Variants in SNTG1 observed in about 807,000 individuals in gnomAD.
SNTG1 encodes gamma-1-syntrophin.
SNTG1 carries 39 observed loss-of-function variants against 74.7 expected under a neutral mutation model. The ratio of observed to expected loss-of-function variants is 0.52; its 90% CI spans 0.40 to 0.68. The LOEUF (loss-of-function observed/expected upper bound fraction) is 0.68, where lower values mean the gene tolerates loss of function less well. Among genes scored for constraint, SNTG1 ranks in the 30% least tolerant of loss-of-function variants. SNTG1 has a pLI of 0.00. For synonymous variants in SNTG1, 254 were observed against 217.1 expected, an observed-to-expected ratio of 1.17 and a Z score of -1.49; for missense variants, 685 against 609.5, an observed-to-expected ratio of 1.12 and a Z score of -1.30.
intron 1 of SNTG1, among the ~76,000 whole-genome samples, chr8:50,062,283 G>A (rs1194313193): frequency 6.6e-6 from 1 of 152,126 alleles, no homozygotes; most frequent in African/African-American, 2.4e-5. Flanking sequence ...CTGACCTCAG[G>A]TGATATGCCT....
intron 1 of SNTG1, among the ~76,000 whole-genome samples, chr8:50,113,082 G>T (rs967500742): frequency 6.6e-6 from 1 of 152,056 alleles, no homozygotes; most frequent in African/African-American, 2.4e-5. Flanking sequence ...GGCAATGTGG[G>T]CTCTTTTTTG....
chr8:50,346,334 G>T (rs764418801), intron 2 of SNTG1, among the ~76,000 whole-genome samples: 10 of 152,092 alleles, frequency 6.6e-5, no homozygotes, highest in Non-Finnish European at 1.5e-4. Context: ...TGATGTTACT[G>T]GTGGGATTTT....
intron 1 of SNTG1, among the ~76,000 whole-genome samples, chr8:50,020,012 C>G (rs142946897): frequency 1.5e-4 from 23 of 152,212 alleles, no homozygotes; most frequent in African/African-American, 5.3e-4. Flanking sequence ...TCCATGACCA[C>G]TTCTATTGTT....
At chr8:50,289,745 C>A (rs529907464) in intron 2 of SNTG1, among the ~76,000 whole-genome samples, 1 of 152,164 alleles carries the variant, frequency 6.6e-6, no homozygotes, top group African/African-American at 2.4e-5. Flanking sequence ...GCTCAGCAAA[C>A]AGTTTTGAAA....
chr8:50,734,741 A>C lies in SNTG1; in HGVS notation c.1285-17260A>C, dbSNP rs1308914571. Reference sequence around the variant, plus strand: ...GGACATTATATATCTATATATATGGACATGTATATAGATATCTATATATAT... The same window carrying C: ...GGACATTATATATCTATATATATGGCCATGTATATAGATATCTATATATAT... On this transcript the variant is annotated intron_variant, in intron 17 of 18. Coordinates refer to ENST00000642720, the MANE Select transcript of SNTG1 (RefSeq NM_018967.5). Among the ~76,000 whole-genome samples the C allele has an allele frequency of 8.0e-5, 7 of 87,882 alleles. No homozygotes were observed. In the South Asian group the frequency reaches 2.3e-3, roughly 29 times the overall value. The allele number at this position is 87,882 out of a possible 152,430, so 57.7% of individuals were successfully genotyped here. A position where few individuals can be genotyped will look rare whatever the true frequency, so the allele number is the denominator to read the frequency against.
chr8:50,488,623 C>A (rs2093820577), intron 8 of SNTG1, among the ~76,000 whole-genome samples: 1 of 152,130 alleles, frequency 6.6e-6, no homozygotes, highest in African/African-American at 2.4e-5. Flanking sequence ...TAATGTCTAT[C>A]CTCCATCATC....
intron 13 of SNTG1, among the ~76,000 whole-genome samples, chr8:50,656,347 A>G (rs947262151): frequency 2.0e-5 from 3 of 152,194 alleles, no homozygotes; most frequent in African/African-American, 7.2e-5. Flanking sequence ...TTTCAATGCC[A>G]TTTGATATAT....
At chr8:50,449,584 C>G in intron 5 of SNTG1, 84 bp from the exon 6 acceptor site, 1 of 993,010 alleles carries the variant, frequency 1.0e-6, no homozygotes, top group Non-Finnish European at 1.4e-6. Context: ...ACTTAACATT[C>G]CCTTCAGAGC....
chr8:50,622,859 A>T (rs1423766697), intron 13 of SNTG1, among the ~76,000 whole-genome samples: 1 of 152,166 alleles, frequency 6.6e-6, no homozygotes, highest in Admixed American at 6.6e-5. Context: ...TTTCAGTTAC[A>T]TCTTCTCAAA....
chr8:50,391,610 C>G (rs2092661698), intron 2 of SNTG1, among the ~76,000 whole-genome samples: 2 of 152,128 alleles, frequency 1.3e-5, no homozygotes, highest in Admixed American at 1.3e-4. Flanking sequence ...AGGATTCCCT[C>G]TTTTTCTATT....
At chr8:50,045,398 C>A (rs1818997186) in intron 1 of SNTG1, among the ~76,000 whole-genome samples, 1 of 152,132 alleles carries the variant, frequency 6.6e-6, no homozygotes, top group Non-Finnish European at 1.5e-5. Flanking sequence ...AAAGATGCAA[C>A]ACATTTTTAA....
chr8:50,264,620 A>G (rs935425589), intron 2 of SNTG1, among the ~76,000 whole-genome samples: 4 of 151,458 alleles, frequency 2.6e-5, no homozygotes, highest in Non-Finnish European at 5.9e-5. Context: ...AGTAAACTAA[A>G]CCCAAAACAA....
At chr8:50,176,400 G>A (rs745421377) in intron 2 of SNTG1, among the ~76,000 whole-genome samples, 12 of 152,144 alleles carry the variant, frequency 7.9e-5, no homozygotes, top group Non-Finnish European at 1.8e-4. Flanking sequence ...TTGATCAAAT[G>A]CAAGCAAGCT....
chr8:50,589,858 C>A (rs945308174), intron 12 of SNTG1, among the ~76,000 whole-genome samples: 2 of 152,054 alleles, frequency 1.3e-5, no homozygotes, highest in African/African-American at 4.8e-5. Context: ...CTTAGCAGAG[C>A]CAGAAGGTAT....
In SNTG1 at chr8:49,969,557, C is replaced by T. The variant is rs1222391713; in HGVS notation, c.-103+57326C>T. ...GATTACAGGTGCCCACCACCATGCC[C>T]AGCTAATTTTGGTATTTTTAGTAGA... On this transcript the variant is annotated intron_variant, in intron 1 of 18. Coordinates refer to ENST00000642720, the MANE Select transcript of SNTG1 (RefSeq NM_018967.5). Among the ~76,000 whole-genome samples the T allele has an allele frequency of 3.3e-5, 5 of 151,810 alleles. No individual in the cohort carries two copies. In the South Asian group the frequency reaches 1.0e-3, roughly 32 times the overall value.
At chr8:50,525,260 C>T (rs535948464) in intron 9 of SNTG1, among the ~76,000 whole-genome samples, 168 of 152,116 alleles carry the variant, frequency 1.1e-3, no homozygotes, top group African/African-American at 3.8e-3. Context: ...GAGATCTTCC[C>T]TTTACCTGCA....
intron 3 of SNTG1, 137 bp downstream of exon 3, chr8:50,394,402 T>C (rs77748232): frequency 0.056 from 43,416 of 770,982 alleles, 1,525 homozygotes; most frequent in Non-Finnish European, 0.068. Context: ...TCCTTCCAGA[T>C]TACGTTCTCC....
chr8:50,338,873 A>T (rs1039888118), intron 2 of SNTG1, among the ~76,000 whole-genome samples: 1 of 152,140 alleles, frequency 6.6e-6, no homozygotes, highest in African/African-American at 2.4e-5. Context: ...AATATTTAAA[A>T]TGATAATGGC....
At chr8:50,169,987 G>A (rs138610235) in intron 1 of SNTG1, among the ~76,000 whole-genome samples, 14 of 152,280 alleles carry the variant, frequency 9.2e-5, no homozygotes, top group East Asian at 7.7e-4. Flanking sequence ...ATAGGTAATC[G>A]TGGAAATGAG....
Sources: allele counts gnomAD v4.1 joint callset (sites outside exome capture counted in the v4.1 genomes callset), GRCh38; gene constraint gnomAD v4.1.1; transcripts MANE v1.5; gene names NCBI Gene and HGNC (gene_info 2026-07-23, HGNC 2026-07-21).